CCSER1: variants seen among roughly 807,000 people sequenced by gnomAD.
The protein encoded by CCSER1 is serine-rich coiled-coil domain-containing protein 1.
In CCSER1, 41 loss-of-function variants were observed where a neutral mutation model predicts 82.0. That is an observed-to-expected ratio of 0.50 (90% CI 0.39 to 0.65). The LOEUF (loss-of-function observed/expected upper bound fraction) is 0.65. CCSER1 is among the 30% of genes least tolerant of loss of function. The pLI is 0.00. For synonymous variants in CCSER1, 414 were observed against 383.9 expected (o/e 1.08, Z -0.92); for missense variants, 1,119 against 1,064.2 (o/e 1.05, Z -0.72).
At chr4:90,651,410 A>G (rs1255618558) in intron 6 of CCSER1, among the ~76,000 whole-genome samples, 1 of 152,162 alleles carries the variant, frequency 6.6e-6, no homozygotes, top group African/African-American at 2.4e-5. Context: ...GAAGCTGGAA[A>G]CCATCATTCT....
intron 10 of CCSER1, among the ~76,000 whole-genome samples, chr4:91,111,999 G>A (rs562574680): frequency 6.6e-6 from 1 of 152,084 alleles, no homozygotes; most frequent in East Asian, 1.9e-4. Flanking sequence ...TGTTATGAAA[G>A]GACATTCAAA....
At chr4:91,453,620 C>T (rs563172597) in intron 10 of CCSER1, among the ~76,000 whole-genome samples, 2 of 151,954 alleles carry the variant, frequency 1.3e-5, no homozygotes, top group Admixed American at 6.6e-5. Context: ...TATCTATTCC[C>T]GATAAATTGC....
At chr4:91,457,391 G>A (rs1372940459) in intron 10 of CCSER1, among the ~76,000 whole-genome samples, 3 of 151,946 alleles carry the variant, frequency 2.0e-5, no homozygotes, top group African/African-American at 7.3e-5. Flanking sequence ...AATTGGCTAG[G>A]TTTGGTGGCT....
At chr4:91,209,003 G>A (rs940141878) in intron 10 of CCSER1, among the ~76,000 whole-genome samples, 6 of 151,662 alleles carry the variant, frequency 4.0e-5, no homozygotes, top group Admixed American at 1.3e-4. Context: ...TTCTCATTTG[G>A]CTCTTGCCTT....
chr4:90,827,803 T>G (rs1760653514), intron 8 of CCSER1, among the ~76,000 whole-genome samples: 1 of 152,052 alleles, frequency 6.6e-6, no homozygotes. Context: ...ACGGGCAGAT[T>G]AATAGGAGAA....
In CCSER1 at chr4:90,308,779, A is replaced by C. The variant is rs1734786282; in HGVS notation, c.495A>C (p.Thr165=). 17 of 1,613,848 alleles carry C rather than the reference A, an allele frequency of 1.1e-5. No individual in the cohort carries two copies. The highest frequency in any genetic ancestry group is 1.4e-5 in the Non-Finnish European group (16 of 1,179,864). Residue 165 remains threonine (T), a synonymous_variant, in exon 2 of 11, where the codon ACA becomes ACC. Coordinates refer to ENST00000509176, the MANE Select transcript of CCSER1 (RefSeq NM_001145065.2). ...GTGAAGGGGATGATTCTGGTTTCAC[A>C]GAAGACCAAACTCGTCGTTCTGTTA... is the stretch of plus-strand genomic sequence containing the variant. ...GKSEGDDSGF[T]EDQTRRSVKQ... is the part of the protein sequence containing the mutation.
chr4:91,128,529 T>C (rs1467142293), intron 10 of CCSER1, among the ~76,000 whole-genome samples: 1 of 152,062 alleles, frequency 6.6e-6, no homozygotes, highest in African/African-American at 2.4e-5. Flanking sequence ...TTGCTAAGAT[T>C]ATACATACAT....
At chr4:90,761,798 C>T (rs1459516174) in intron 7 of CCSER1, among the ~76,000 whole-genome samples, 4 of 151,806 alleles carry the variant, frequency 2.6e-5, no homozygotes, top group Non-Finnish European at 1.5e-5. Context: ...CCTTCTGGAT[C>T]GTTGTAAGAA....
intron 4 of CCSER1, among the ~76,000 whole-genome samples, chr4:90,410,058 AT>A (rs1189804179): frequency 4.6e-5 from 7 of 152,228 alleles, no homozygotes; most frequent in Admixed American, 4.6e-4. Context: ...TGGTAAAGGG[AT>A]CAATTCAACA....
intron 8 of CCSER1, among the ~76,000 whole-genome samples, chr4:90,914,561 A>C (rs946256427): frequency 1.3e-5 from 2 of 152,254 alleles, no homozygotes; most frequent in Non-Finnish European, 2.9e-5. Flanking sequence ...TAAAACTGAC[A>C]CCCTAACATC....
chr4:90,782,998 AT>A (rs1261392501), intron 7 of CCSER1, among the ~76,000 whole-genome samples: 2 of 151,696 alleles, frequency 1.3e-5, no homozygotes, highest in African/African-American at 4.8e-5. Context: ...CAGTGGTGCA[AT>A]TTTGGCTCAC....
chr4:91,161,293 T>C (rs1731372288), intron 10 of CCSER1, among the ~76,000 whole-genome samples: 1 of 152,178 alleles, frequency 6.6e-6, no homozygotes, highest in African/African-American at 2.4e-5. Context: ...CCCTGCTGTT[T>C]TGATTACTGT....
At chr4:91,299,804 A>G (rs1292110483) in intron 10 of CCSER1, among the ~76,000 whole-genome samples, 3 of 150,924 alleles carry the variant, frequency 2.0e-5, no homozygotes, top group Non-Finnish European at 4.4e-5. Flanking sequence ...TTAAATACAT[A>G]TATTAGTCCT....
At chr4:90,505,150 G>A (rs1430529174) in intron 5 of CCSER1, among the ~76,000 whole-genome samples, 1 of 152,152 alleles carries the variant, frequency 6.6e-6, no homozygotes, top group African/African-American at 2.4e-5. Flanking sequence ...ATGCATTTTG[G>A]CACTAAGAAC....
intron 8 of CCSER1, among the ~76,000 whole-genome samples, chr4:90,871,228 C>T (rs72616097): frequency 0.072 from 10,910 of 151,390 alleles, 554 homozygotes; most frequent in East Asian, 0.2. Context: ...TTTACATTTG[C>T]GATTTGCTCA....
chr4:91,558,469 G>A (rs913968060), intron 10 of CCSER1, among the ~76,000 whole-genome samples: 1 of 151,570 alleles, frequency 6.6e-6, no homozygotes, highest in African/African-American at 2.4e-5. Flanking sequence ...ATGGTTCCAT[G>A]TTGTTATTTG....
chr4:90,596,043 C>T (rs1397916295), intron 5 of CCSER1, among the ~76,000 whole-genome samples: 1 of 151,862 alleles, frequency 6.6e-6, no homozygotes, highest in African/African-American at 2.4e-5. Flanking sequence ...TAAGTGGTGC[C>T]TGAGTGCTTG....
rs562645388 is a variant in CCSER1, at chr4:91,603,349, G to T, written c.*4292G>T. 2.0e-5 allele frequency: 3 copies of T among 152,008 alleles called. No homozygotes were observed. Among genetic ancestry groups the T allele is most frequent in the South Asian group, 4.1e-4 (2 of 4,826 alleles). The allele number at this position is 152,008 out of a possible 1,614,324, so 9.4% of individuals were successfully genotyped here. On this transcript the variant is annotated 3_prime_UTR_variant, in exon 11 of 11. Transcript: ENST00000509176. ...ATTTATTTACAATACATTTGATCTC[G>T]TTAAGACCCCAGTTCTATTTCCAAG...
chr4:90,838,860 A>G lies in CCSER1; in HGVS notation c.2094+23015A>G, dbSNP rs367748745. 7.9e-5 allele frequency: 127 copies of G among 1,610,754 alleles called. No individual in the cohort carries two copies. The African/African-American group carries it at 1.6e-3, about 20-fold the overall frequency. Reference sequence around the variant, plus strand: ...CTAAAAGAAGTAAAATAAGAAGGCAATGCTTGTGGAATGTACAGTGCATAT... The same window carrying G: ...CTAAAAGAAGTAAAATAAGAAGGCAGTGCTTGTGGAATGTACAGTGCATAT... On this transcript the variant is annotated intron_variant, in intron 8 of 10. Coordinates refer to ENST00000509176, the MANE Select transcript of CCSER1 (RefSeq NM_001145065.2).
Sources: allele counts gnomAD v4.1 joint callset (sites outside exome capture counted in the v4.1 genomes callset), GRCh38; gene constraint gnomAD v4.1.1; transcripts MANE v1.5; gene names NCBI Gene and HGNC (gene_info 2026-07-23, HGNC 2026-07-21).